Variants in CTDP1 observed in about 807,000 individuals in gnomAD.
CTDP1 encodes RNA polymerase II subunit A C-terminal domain phosphatase.
CTDP1 carries 47 observed loss-of-function variants against 91.8 expected under a neutral mutation model. The observed-to-expected ratio is 0.51, with a 90% CI of 0.41 to 0.65. The LOEUF (loss-of-function observed/expected upper bound fraction) is 0.65. Among genes scored for constraint, CTDP1 ranks in the 30% least tolerant of loss-of-function variants. The probability of loss-of-function intolerance (pLI) is 0.00; values close to 1 mark genes in which losing one functional copy is unlikely to be tolerated. For synonymous variants in CTDP1, 656 were observed against 598.5 expected (o/e 1.10, Z -1.40); for missense variants, 1,272 against 1,373.7 (o/e 0.93, Z 1.17).
At chr18:79,678,768 C>A (rs2085289295), upstream of CTDP1, 1 of 152,262 alleles carries the variant, frequency 6.6e-6, no homozygotes, top group Non-Finnish European at 1.5e-5. Flanking sequence ...AAAATTAAAA[C>A]AGTCCAGAGC....
intron 10 of CTDP1, among the ~76,000 whole-genome samples, chr18:79,726,670 G>A (rs2086449015): frequency 6.6e-6 from 1 of 151,992 alleles, no homozygotes; most frequent in Non-Finnish European, 1.5e-5. Context: ...TTTGGGATAG[G>A]AGTCCAGTTC....
intron 8 of CTDP1, among the ~76,000 whole-genome samples, chr18:79,717,116 G>C (rs896706756): frequency 1.3e-5 from 2 of 149,878 alleles, no homozygotes; most frequent in African/African-American, 4.9e-5. Flanking sequence ...AGGGCCCTGA[G>C]CCCTGGTGGG....
At chr18:79,745,108 G>A (rs2086853236) in intron 12 of CTDP1, among the ~76,000 whole-genome samples, 1 of 152,188 alleles carries the variant, frequency 6.6e-6, no homozygotes, top group African/African-American at 2.4e-5. Context: ...GGATTAGGAG[G>A]TGTCCCCACG....
intron 11 of CTDP1, among the ~76,000 whole-genome samples, chr18:79,732,718 G>A (rs1195007640): frequency 2.6e-5 from 4 of 151,852 alleles, no homozygotes; most frequent in African/African-American, 9.7e-5. Context: ...GACATCAGGA[G>A]TGCTCCCAAA....
In CTDP1 at chr18:79,704,930, G is replaced by T. The variant is rs754601801; in HGVS notation, c.772+13G>T. 10 of 1,612,600 alleles carry T rather than the reference G, an allele frequency of 6.2e-6. No individual in the cohort carries two copies. The highest frequency in any genetic ancestry group is 2.7e-5 in the African/African-American group (2 of 74,940). On this transcript the variant is annotated intron_variant, in intron 5 of 12. Coordinates refer to ENST00000613122, the MANE Select transcript of CTDP1 (RefSeq NM_004715.5). ...CACACCATCGCAGGTCAGTCAAGCCGCAGCCGAAGAGGCCGTGTGAACAGT... is the reference window on the plus strand; with the variant it reads ...CACACCATCGCAGGTCAGTCAAGCCTCAGCCGAAGAGGCCGTGTGAACAGT...
In CTDP1 at chr18:79,713,672, A is replaced by T. The variant is rs953530234; in HGVS notation, c.1030+534A>T. Among the ~76,000 whole-genome samples, 2 of 152,220 alleles carry T rather than the reference A, an allele frequency of 1.3e-5. No homozygotes were observed. The highest frequency in any genetic ancestry group is 2.4e-5 in the African/African-American group (1 of 41,456). On this transcript the variant is annotated intron_variant, in intron 7 of 12. Coordinates refer to ENST00000613122, the MANE Select transcript of CTDP1 (RefSeq NM_004715.5). The surrounding 1 kb of genome is among the most constrained non-coding windows in gnomAD (Gnocchi z 4.7). ...GAAAAATATTTTGAGGCACACGTTTATTGCTGTAGTCACTAAAATGGAACT... is the reference window on the plus strand; with the variant it reads ...GAAAAATATTTTGAGGCACACGTTTTTTGCTGTAGTCACTAAAATGGAACT...
intron 11 of CTDP1, among the ~76,000 whole-genome samples, chr18:79,731,600 C>T (rs1459711590): frequency 6.6e-6 from 1 of 152,198 alleles, no homozygotes. Context: ...CAAGGAAAAC[C>T]CGTCCCCGTG....
Position 79,753,756 on chromosome 18 carries a change from A to G in CTDP1, c.2852A>G (p.Lys951Arg). The change falls in exon 13 of 13, where the codon AAG (lysine) becomes AGG (arginine). Residue 951 changes from lysine (K) to arginine (R), a missense_variant. By Grantham distance (26) the Lys-to-Arg change is conservative. This residue lies in a region of CTDP1 where 881 missense variants were observed against 911.6 expected (regional missense o/e 0.97). Transcript: ENST00000613122. ...GSSSEADEMAKALEAELNDLM is the reference protein window; with the variant it reads ...GSSSEADEMARALEAELNDLM The stretch of plus-strand genomic sequence containing the variant: ...AGCTCCGAGGCCGACGAGATGGCCA[A>G]GGCGCTGGAGGCGGAGCTCAACGAC... 1 of 1,613,792 alleles carries G rather than the reference A, an allele frequency of 6.2e-7. No homozygotes were observed. The highest frequency in any genetic ancestry group is 8.5e-7 in the Non-Finnish European group (1 of 1,179,962).
At chr18:79,686,555 A>C (rs1040960805) in intron 1 of CTDP1, among the ~76,000 whole-genome samples, 2 of 152,234 alleles carry the variant, frequency 1.3e-5, no homozygotes, top group African/African-American at 4.8e-5. Context: ...TATGTGCAAA[A>C]TTCCTTACAA....
In CTDP1 at chr18:79,695,221, G is replaced by T; in HGVS notation, c.315-4G>T. On this transcript the variant is annotated splice_region_variant and splice_polypyrimidine_tract_variant and intron_variant, in intron 1 of 12. Coordinates refer to ENST00000613122, the MANE Select transcript of CTDP1 (RefSeq NM_004715.5). ...AGTGTTGTTCCCCTTGTGTTTTTTT[G>T]TAGAGCGGTTCTGGTGAGGTTGGAA... is the stretch of plus-strand genomic sequence containing the variant. The T allele has an allele frequency of 6.2e-7, 1 of 1,613,986 alleles. No individual in the cohort carries two copies. Among genetic ancestry groups the T allele is most frequent in the South Asian group, 1.1e-5 (1 of 91,082 alleles).
chr18:79,755,988 A>T (rs1249872090), downstream of CTDP1: 1 of 152,202 alleles, frequency 6.6e-6, no homozygotes, highest in African/African-American at 2.4e-5. Flanking sequence ...TGCAGGGGAG[A>T]TGCAGCAGGT....
At chr18:79,695,373 C>A in intron 2 of CTDP1, 65 bp downstream of exon 2, 1 of 1,451,036 alleles carries the variant, frequency 6.9e-7, no homozygotes, top group Non-Finnish European at 9.7e-7. Flanking sequence ...CCGGGGAGTC[C>A]GAGAAGCTGT....
At chr18:79,717,750 G>T (rs568379614) in intron 9 of CTDP1, 60 bp from the exon 10 acceptor site, 3 of 1,613,734 alleles carry the variant, frequency 1.9e-6, no homozygotes, top group Non-Finnish European at 2.5e-6. Flanking sequence ...CATGCACCTG[G>T]GCAGTGCCCC....
chr18:79,714,702 C>A lies in CTDP1; in HGVS notation c.1242C>A (p.Thr414=), dbSNP rs373127032. 1.2e-6 allele frequency: 2 copies of A among 1,608,694 alleles called. No homozygotes were observed. Among genetic ancestry groups the A allele is most frequent in the Non-Finnish European group, 1.7e-6 (2 of 1,178,108 alleles). Residue 414 remains threonine, a synonymous_variant, in exon 8 of 13, where the codon ACC becomes ACA. Transcript: ENST00000613122. ...TCTGGCCCCCTGCCCAGGCCCCCAC[C>A]AGCAGCCAAGAGCTGGCAGGCGCTC... ...RDIWPPAQAP[T]SSQELAGAPE...
rs184459000 is a variant in CTDP1, at chr18:79,713,157, G to C, written c.1030+19G>C. On this transcript the variant is annotated intron_variant, in intron 7 of 12. Coordinates refer to ENST00000613122, the MANE Select transcript of CTDP1 (RefSeq NM_004715.5). The surrounding 1 kb of genome is among the most constrained non-coding windows in gnomAD (Gnocchi z 4.7). ...AAGAAAGGTGGGTAACCTCCTTCCT[G>C]ATTCTCTAGAAGAATTCACATTTGC... is the stretch of plus-strand genomic sequence containing the variant. 2.4e-5 allele frequency: 38 copies of C among 1,611,024 alleles called. No homozygotes were observed. The East Asian group carries it at 8.0e-4, about 34-fold the overall frequency.
chr18:79,742,329 G>A (rs1385616796), intron 12 of CTDP1, among the ~76,000 whole-genome samples: 2 of 152,044 alleles, frequency 1.3e-5, no homozygotes, highest in Non-Finnish European at 2.9e-5. Context: ...GGCGTCCATG[G>A]GAGAGAGGCC....
chr18:79,701,048 A>G (rs1262089195), intron 4 of CTDP1, among the ~76,000 whole-genome samples: 2 of 152,156 alleles, frequency 1.3e-5, no homozygotes, highest in African/African-American at 4.8e-5. Context: ...TCAGAAAGAG[A>G]GATTCTTCTA....
At position 79,682,637 on chromosome 18, in the gene CTDP1, G is replaced by A. The variant is rs150573560; in HGVS notation, c.314+2376G>A. The stretch of plus-strand genomic sequence containing the variant: ...ATGGGTTCCACGCCCAACACTGTTT[G>A]CTGGGTGTGGAGCCCAGCCTGTTTA... On this transcript the variant is annotated intron_variant, in intron 1 of 12. Transcript: ENST00000613122. Among the ~76,000 whole-genome samples, 172 of 152,330 alleles carry A rather than the reference G, an allele frequency of 1.1e-3. 2 individuals carry two copies. The highest frequency in any genetic ancestry group is 3.0e-3 in the African/African-American group (124 of 41,566).
intron 5 of CTDP1, among the ~76,000 whole-genome samples, chr18:79,706,922 TCTC>T (rs1420910589): frequency 6.6e-6 from 1 of 152,242 alleles, no homozygotes; most frequent in African/African-American, 2.4e-5. Flanking sequence ...TGATGTTTCT[TCTC>T]CTCCTGTCCC....
Sources: allele counts gnomAD v4.1 joint callset (sites outside exome capture counted in the v4.1 genomes callset), GRCh38; gene constraint gnomAD v4.1.1; regional missense constraint gnomAD v4.1.1; non-coding constraint Gnocchi (gnomAD v3.1); transcripts MANE v1.5; gene names NCBI Gene and HGNC (gene_info 2026-07-23, HGNC 2026-07-21).